Variants in CSMD1 observed in about 807,000 individuals in gnomAD.
CSMD1 encodes CUB and sushi domain-containing protein 1.
CSMD1 carries 213 observed loss-of-function variants against 417.5 expected under a neutral mutation model. That is an observed-to-expected ratio of 0.51 (90% CI 0.46 to 0.57). The LOEUF is 0.57. CSMD1 is among the 20% of genes least tolerant of loss of function. The probability of loss-of-function intolerance (pLI) is 0.00; values close to 1 mark genes in which losing one functional copy is unlikely to be tolerated. For missense variants in CSMD1, 6,923 were observed against 4,529.7 expected (o/e 1.53, Z -15.17); for synonymous variants, 2,862 against 1,736.8 (o/e 1.65, Z -16.11).
At chr8:3,244,423 C>G (rs940214641) in intron 26 of CSMD1, among the ~76,000 whole-genome samples, 2 of 152,100 alleles carry the variant, frequency 1.3e-5, no homozygotes, top group Non-Finnish European at 2.9e-5. Context: ...TAACAGAGAC[C>G]ATCCCTTTTT....
chr8:3,854,902 C>T (rs887025087), intron 5 of CSMD1, among the ~76,000 whole-genome samples: 27 of 152,130 alleles, frequency 1.8e-4, no homozygotes, highest in African/African-American at 6.3e-4. Context: ...ACAATTCACT[C>T]GCAAAGCATT....
At chr8:4,029,574 T>C (rs1012457655) in intron 4 of CSMD1, among the ~76,000 whole-genome samples, 1 of 152,098 alleles carries the variant, frequency 6.6e-6, no homozygotes, top group Non-Finnish European at 1.5e-5. Flanking sequence ...ACTGGCTTCC[T>C]CCCACATGTG....
At chr8:3,446,374 A>T (rs1038784677) in intron 12 of CSMD1, among the ~76,000 whole-genome samples, 1 of 152,250 alleles carries the variant, frequency 6.6e-6, no homozygotes. Flanking sequence ...CACAAATGTA[A>T]ATATGGCTTT....
intron 5 of CSMD1, among the ~76,000 whole-genome samples, chr8:3,773,216 A>C (rs2720769): frequency 0.15 from 22,513 of 152,192 alleles, 1,747 homozygotes; most frequent in East Asian, 0.29. Context: ...GTACTCACAT[A>C]ATCTGTCACC....
chr8:4,148,689 A>G (rs1796410192), intron 3 of CSMD1, among the ~76,000 whole-genome samples: 1 of 152,058 alleles, frequency 6.6e-6, no homozygotes, highest in African/African-American at 2.4e-5. Flanking sequence ...CTCTTCTAGT[A>G]AGGGCACTCA....
intron 6 of CSMD1, 40 bp from the exon 7 acceptor site, chr8:3,708,531 G>C (rs779592448): frequency 1.3e-6 from 2 of 1,564,888 alleles, no homozygotes; most frequent in Non-Finnish European, 1.8e-6. Flanking sequence ...GGTAAGACTT[G>C]GAGATCATAA....
intron 2 of CSMD1, among the ~76,000 whole-genome samples, chr8:4,463,334 G>C (rs1019651139): frequency 7.2e-5 from 11 of 152,246 alleles, no homozygotes; most frequent in African/African-American, 2.4e-4. Context: ...TATGGCTGGT[G>C]AGAATATAGA....
Position 3,392,153 on chromosome 8 carries a change from G to A in CSMD1, c.2593+4041C>T, listed in dbSNP as rs193033547. ...GATAGCATTAGGAGATATACCTAAT[G>A]TTAAATGATGAGTTAATGGGTGCAC... On this transcript the variant is annotated intron_variant, in intron 17 of 69. Coordinates refer to ENST00000635120, the MANE Select transcript of CSMD1 (RefSeq NM_033225.6). 1.7e-3 allele frequency among the ~76,000 whole-genome samples: 263 copies of A among 151,782 alleles called. 1 individual carries two copies. Among genetic ancestry groups the A allele is most frequent in the African/African-American group, 5.9e-3 (244 of 41,362 alleles).
intron 29 of CSMD1, among the ~76,000 whole-genome samples, chr8:3,215,371 T>C (rs1410616998): frequency 6.6e-6 from 1 of 152,228 alleles, no homozygotes; most frequent in East Asian, 1.9e-4. Context: ...TAGTTCTACC[T>C]TAGTTAAAAT....
At chr8:4,561,536 G>A (rs945701661) in intron 2 of CSMD1, among the ~76,000 whole-genome samples, 2 of 152,094 alleles carry the variant, frequency 1.3e-5, no homozygotes, top group Admixed American at 1.3e-4. Context: ...AGAAAAATTA[G>A]CCAGCCATGG....
rs371128474 is a variant in CSMD1, at chr8:3,034,650, C to T, written c.7661-5137G>A. 3.3e-5 allele frequency among the ~76,000 whole-genome samples: 5 copies of T among 152,134 alleles called. No individual in the cohort carries two copies. The South Asian group carries it at 6.2e-4, about 19-fold the overall frequency. On this transcript the variant is annotated intron_variant, in intron 50 of 69. Transcript: ENST00000635120. ...TAAAAATCAATGCATAATAGTTTAA[C>T]AAGGGATTATTTAGGAAGACTAGGA... is the stretch of plus-strand genomic sequence containing the variant.
In CSMD1 at chr8:4,640,331, C is replaced by G. The variant is rs112640120; in HGVS notation, c.86-2773G>C. 5.0e-3 allele frequency among the ~76,000 whole-genome samples: 759 copies of G among 152,250 alleles called. 12 individuals carry two copies. Among genetic ancestry groups the G allele is most frequent in the African/African-American group, 0.017 (726 of 41,548 alleles). Reference sequence around the variant, plus strand: ...CCAAGAAGTTTTTAAAGTATCTATGCCTAAGATAGAATCGGATGTATTTGG... The same window carrying G: ...CCAAGAAGTTTTTAAAGTATCTATGGCTAAGATAGAATCGGATGTATTTGG... On this transcript the variant is annotated intron_variant, in intron 1 of 69. Transcript: ENST00000635120.
intron 7 of CSMD1, among the ~76,000 whole-genome samples, chr8:3,679,221 T>A (rs1346316001): frequency 3.9e-5 from 6 of 152,186 alleles, no homozygotes; most frequent in Non-Finnish European, 8.8e-5. Flanking sequence ...AATGCTCCAA[T>A]TACAAGACGC....
At position 4,290,829 on chromosome 8, in the gene CSMD1, A is replaced by G. The variant is rs183210246; in HGVS notation, c.415+129124T>C. Among the ~76,000 whole-genome samples the G allele has an allele frequency of 2.4e-4, 36 of 152,294 alleles. 1 individual carries two copies. In the East Asian group the frequency reaches 6.9e-3, roughly 29 times the overall value. ...GAAATCACAATTTGTAATTAAAATA[A>G]TTCAAAGCAAAATGAAAATATCCAT... On this transcript the variant is annotated intron_variant, in intron 3 of 69. Coordinates refer to ENST00000635120, the MANE Select transcript of CSMD1 (RefSeq NM_033225.6).
At chr8:3,740,261 A>G (rs1796727763) in intron 6 of CSMD1, among the ~76,000 whole-genome samples, 1 of 152,174 alleles carries the variant, frequency 6.6e-6, no homozygotes, top group African/African-American at 2.4e-5. Flanking sequence ...ACCTGCCAAC[A>G]TGCCCAGCGA....
chr8:4,934,764 T>C (rs554971001), intron 1 of CSMD1, among the ~76,000 whole-genome samples: 2 of 152,280 alleles, frequency 1.3e-5, no homozygotes, highest in South Asian at 2.1e-4. Flanking sequence ...TACCTACCTA[T>C]ACTATAGGTA....
intron 25 of CSMD1, among the ~76,000 whole-genome samples, chr8:3,304,756 TAAC>T (rs1382814926): frequency 2.6e-5 from 4 of 152,162 alleles, no homozygotes; most frequent in East Asian, 1.9e-4. Context: ...ATTAAAATGT[TAAC>T]AAAGTATTAG....
intron 10 of CSMD1, among the ~76,000 whole-genome samples, chr8:3,557,906 G>A (rs1425654507): frequency 6.6e-6 from 1 of 152,150 alleles, no homozygotes; most frequent in Non-Finnish European, 1.5e-5. Context: ...AAGTTATACG[G>A]TCAACTCCCT....
chr8:4,937,272 G>A (rs1399109480), intron 1 of CSMD1, among the ~76,000 whole-genome samples: 1 of 152,058 alleles, frequency 6.6e-6, no homozygotes, highest in Non-Finnish European at 1.5e-5. Context: ...TGGTGGTATA[G>A]TCCTATCTTC....
Sources: gnomAD v4.1 joint callset for allele counts (sites outside exome capture counted in the v4.1 genomes callset) on GRCh38, gnomAD v4.1.1 for gene constraint, MANE v1.5 for transcripts, NCBI Gene and HGNC (gene_info 2026-07-23, HGNC 2026-07-21) for gene names.